FHL2: variants seen among roughly 807,000 people sequenced by gnomAD.
The protein encoded by FHL2 is four and a half LIM domains protein 2.
FHL2 carries 20 observed loss-of-function variants against 32.7 expected under a neutral mutation model. The observed-to-expected ratio is 0.61, with a 90% CI of 0.43 to 0.89. The LOEUF (loss-of-function observed/expected upper bound fraction) is 0.89. Ranked by LOEUF, FHL2 falls within the 40% of genes least tolerant of loss-of-function variation. The probability of loss-of-function intolerance (pLI) is 0.00; values close to 1 mark genes in which losing one functional copy is unlikely to be tolerated. For missense variants in FHL2, 311 were observed against 358.6 expected, an observed-to-expected ratio of 0.87 and a Z score of 1.07; for synonymous variants, 123 against 128.1, an observed-to-expected ratio of 0.96 and a Z score of 0.27.
chr2:105,380,547 C>T (rs1681815521), intron 3 of FHL2, among the ~76,000 whole-genome samples: 1 of 152,286 alleles, frequency 6.6e-6, no homozygotes, highest in Middle Eastern at 3.4e-3. Context: ...TCTTTCCAAA[C>T]AGAAAAGCTC....
intron 1 of FHL2, among the ~76,000 whole-genome samples, chr2:105,405,629 T>G (rs1197296370): frequency 1.3e-5 from 2 of 152,260 alleles, no homozygotes; most frequent in East Asian, 3.8e-4. Flanking sequence ...TGAATTAACT[T>G]TATGAGTCAA....
intron 1 of FHL2, among the ~76,000 whole-genome samples, chr2:105,418,371 C>A (rs2102859): frequency 1.3e-5 from 2 of 151,648 alleles, no homozygotes; most frequent in Non-Finnish European, 2.9e-5. Flanking sequence ...CAACAGAAAC[C>A]ACTTATTTTC....
chr2:105,424,229 C>G lies in FHL2; in HGVS notation c.-25+14170G>C, dbSNP rs576938895. 1.1e-3 allele frequency among the ~76,000 whole-genome samples: 167 copies of G among 152,272 alleles called. 4 individuals carry two copies. In the South Asian group the frequency reaches 0.033, roughly 30 times the overall value. On this transcript the variant is annotated intron_variant, in intron 1 of 5. Coordinates refer to the FHL2 transcript ENST00000393352. The stretch of plus-strand genomic sequence containing the variant: ...AAAGTGGGCAAAGGATATGAACAGA[C>G]GCTTCTCAAAAGAAGACATTTATGC...
At chr2:105,404,439 G>T (rs1489856268) in intron 1 of FHL2, among the ~76,000 whole-genome samples, 1 of 152,196 alleles carries the variant, frequency 6.6e-6, no homozygotes, top group Non-Finnish European at 1.5e-5. Flanking sequence ...GCCTTCCCAT[G>T]ACACAGTACC....
At chr2:105,365,786 A>G (rs1251099761) in intron 5 of FHL2, among the ~76,000 whole-genome samples, 1 of 151,976 alleles carries the variant, frequency 6.6e-6, no homozygotes, top group African/African-American at 2.4e-5. Flanking sequence ...CAGAGGTTGC[A>G]GTGAGTTGAG....
At chr2:105,376,665 T>C (rs1395372570) in intron 3 of FHL2, 2 of 152,348 alleles carry the variant, frequency 1.3e-5, no homozygotes, top group Middle Eastern at 3.4e-3. Flanking sequence ...CTTTTGGATA[T>C]ATACCCAAAA....
intron 1 of FHL2, chr2:105,397,010 G>GT (rs35576785): frequency 0.38 from 40,739 of 106,988 alleles, 9,028 homozygotes; most frequent in East Asian, 0.48. Context: ...TATCTAGTCT[G>GT]TTTTTTTTTT....
At chr2:105,362,273 G>A (rs1480885489) in intron 6 of FHL2, among the ~76,000 whole-genome samples, 2 of 152,134 alleles carry the variant, frequency 1.3e-5, no homozygotes, top group African/African-American at 2.4e-5. Context: ...TTTTAACATA[G>A]GTAAAGTGTA....
At chr2:105,416,516 T>C (rs1467902031) in intron 1 of FHL2, among the ~76,000 whole-genome samples, 3 of 152,268 alleles carry the variant, frequency 2.0e-5, no homozygotes, top group Non-Finnish European at 2.9e-5. Flanking sequence ...GAGATGTTTC[T>C]TAACTACTGC....
In FHL2 at chr2:105,396,640, G is replaced by C. The variant is rs774668077; in HGVS notation, c.-25+7C>G. ...TTAGGATAACAGAGGAAATTCACTTGACTCACCCCAAAGTCAAAATGCCAG... is the reference window on the plus strand; with the variant it reads ...TTAGGATAACAGAGGAAATTCACTTCACTCACCCCAAAGTCAAAATGCCAG... On this transcript the variant is annotated splice_region_variant and intron_variant, in intron 2 of 6. Transcript: ENST00000530340. 4 of 1,611,826 alleles carry C rather than the reference G, an allele frequency of 2.5e-6. No homozygotes were observed. The East Asian group carries it at 8.9e-5, about 36-fold the overall frequency.
At chr2:105,392,039 T>G (rs1242215269) in intron 2 of FHL2, among the ~76,000 whole-genome samples, 1 of 152,212 alleles carries the variant, frequency 6.6e-6, no homozygotes, top group Non-Finnish European at 1.5e-5. Context: ...TTGAAAAAGC[T>G]GGATCTTAGG....
intron 1 of FHL2, among the ~76,000 whole-genome samples, chr2:105,415,788 C>A (rs1308988392): frequency 6.6e-6 from 1 of 152,224 alleles, no homozygotes; most frequent in Non-Finnish European, 1.5e-5. Context: ...TAAGTTATTT[C>A]TTTGTGGCCC....
chr2:105,398,903 A>C lies in FHL2; in HGVS notation c.-137T>G. 2.0e-6 allele frequency: 3 copies of C among 1,531,260 alleles called. No individual in the cohort carries two copies. The highest frequency in any genetic ancestry group is 2.6e-6 in the Non-Finnish European group (3 of 1,142,058). 94.9% of individuals were successfully genotyped at this position (1,531,260 alleles called of 1,614,324 possible). Reference sequence around the variant, plus strand: ...GGGTCTCGCACCGGATTCGGCCCCCACTTCCGAGCCCTGGTGGCTAAGCCC... The same window carrying C: ...GGGTCTCGCACCGGATTCGGCCCCCCCTTCCGAGCCCTGGTGGCTAAGCCC... On this transcript the variant is annotated 5_prime_UTR_variant, in exon 1 of 7. Coordinates refer to ENST00000530340, the MANE Select transcript of FHL2 (RefSeq NM_001318895.3).
At chr2:105,409,504 A>C (rs749639095) in intron 1 of FHL2, among the ~76,000 whole-genome samples, 3 of 152,188 alleles carry the variant, frequency 2.0e-5, no homozygotes, top group Non-Finnish European at 4.4e-5. Flanking sequence ...CCCCAAGTTA[A>C]TAGTAAATTT....
chr2:105,421,052 C>T (rs556221427), intron 1 of FHL2, among the ~76,000 whole-genome samples: 1 of 152,144 alleles, frequency 6.6e-6, no homozygotes, highest in African/African-American at 2.4e-5. Flanking sequence ...CCAGTGGTGG[C>T]CCAGTGTCCC....
intron 1 of FHL2, among the ~76,000 whole-genome samples, chr2:105,424,581 T>C: frequency 6.6e-6 from 1 of 152,204 alleles, no homozygotes. Context: ...TGCACACATA[T>C]GTTTATTGTG....
chr2:105,401,623 C>T (rs1273006598), upstream of FHL2, among the ~76,000 whole-genome samples: 1 of 152,108 alleles, frequency 6.6e-6, no homozygotes, highest in Non-Finnish European at 1.5e-5. Context: ...TAGAAAAATA[C>T]TGGGCCATGT....
intron 2 of FHL2, among the ~76,000 whole-genome samples, chr2:105,390,484 T>C (rs987683381): frequency 1.8e-4 from 28 of 152,082 alleles, no homozygotes. Context: ...TTTCTGAGAG[T>C]GGTGGATCCC....
chr2:105,375,493 C>T (rs10176152), intron 3 of FHL2: 22,523 of 152,224 alleles, frequency 0.15, 2,655 homozygotes, highest in African/African-American at 0.33. Flanking sequence ...CAAACATTAG[C>T]CGGGCGTGGT....
Sources: gnomAD v4.1 joint callset for allele counts (sites outside exome capture counted in the v4.1 genomes callset) on GRCh38, gnomAD v4.1.1 for gene constraint, MANE v1.5 for transcripts, NCBI Gene and HGNC (gene_info 2026-07-23, HGNC 2026-07-21) for gene names.